The following MIPOL1 variants were observed in gnomAD, a reference collection of about 807,000 sequenced individuals.
MIPOL1 encodes the protein mirror-image polydactyly gene 1 protein.
Under a neutral mutation model 60.9 loss-of-function variants are expected in MIPOL1, and 57 were observed. The ratio of observed to expected loss-of-function variants is 0.94; its 90% confidence interval spans 0.76 to 1.17. The LOEUF (loss-of-function observed/expected upper bound fraction) is 1.17. MIPOL1 is among the 50% of genes most tolerant of loss of function. The probability of loss-of-function intolerance (pLI) is 0.00; values close to 1 mark genes in which losing one functional copy is unlikely to be tolerated. For missense variants in MIPOL1, 551 were observed against 511.6 expected (o/e 1.08, Z -0.74); for synonymous variants, 179 against 168.8 (o/e 1.06, Z -0.47).
chr14:37,520,648 A>G lies in MIPOL1; in HGVS notation c.1262+20510A>G, dbSNP rs140248929. Among the ~76,000 whole-genome samples, 1,061 of 152,206 alleles carry G rather than the reference A, an allele frequency of 7.0e-3. 12 individuals are homozygous for G. Among genetic ancestry groups the G allele is most frequent in the African/African-American group, 0.025 (1,023 of 41,540 alleles). ...GTATATTCTCTAGGTAGTGTTTTAA[A>G]CATATTTTTTTGCATTGGTATAAGA... On this transcript the variant is annotated intron_variant, in intron 12 of 12. Transcript: ENST00000684589.
At chr14:37,492,180 A>G (rs145822395) in intron 11 of MIPOL1, among the ~76,000 whole-genome samples, 3 of 152,340 alleles carry the variant, frequency 2.0e-5, no homozygotes, top group East Asian at 1.9e-4. Context: ...AAATTAATTG[A>G]TGTAGTAAAC....
intron 10 of MIPOL1, chr14:37,399,653 A>G (rs748266090): frequency 6.6e-6 from 1 of 152,176 alleles, no homozygotes; most frequent in Non-Finnish European, 1.5e-5. Flanking sequence ...CATATTTACC[A>G]TGCACTTAAG....
chr14:37,244,872 G>T (rs550063534), intron 1 of MIPOL1, among the ~76,000 whole-genome samples: 1 of 152,024 alleles, frequency 6.6e-6, no homozygotes, highest in Admixed American at 6.6e-5. Flanking sequence ...TAAATATGTT[G>T]CATCTTTACA....
At chr14:37,216,299 TAAAGAG>T (rs1567021464) in intron 1 of MIPOL1, among the ~76,000 whole-genome samples, 2 of 152,012 alleles carry the variant, frequency 1.3e-5, no homozygotes, top group Non-Finnish European at 2.9e-5. Context: ...ATATTAGAGA[TAAAGAG>T]AGAGAGATAG....
rs1443384969 is a variant in MIPOL1, at chr14:37,550,499, T to C, written c.*3528T>C. 6.7e-6 allele frequency: 1 copy of C among 149,756 alleles called. No homozygotes were observed. The highest frequency in any genetic ancestry group is 6.7e-5 in the Admixed American group (1 of 14,976). The allele number at this position is 149,756 out of a possible 1,614,324, so 9.3% of individuals were successfully genotyped here. On this transcript the variant is annotated 3_prime_UTR_variant, in exon 13 of 13. Transcript: ENST00000684589. Reference sequence around the variant, plus strand: ...AACCTATCTATTCATATTTTACATATATATATATATATATACATGCACACA... The same window carrying C: ...AACCTATCTATTCATATTTTACATACATATATATATATATACATGCACACA...
At chr14:37,466,404 C>G (rs1176724084) in intron 11 of MIPOL1, among the ~76,000 whole-genome samples, 1 of 152,088 alleles carries the variant, frequency 6.6e-6, no homozygotes, top group Non-Finnish European at 1.5e-5. Context: ...TATTGCTGAG[C>G]AAATTATTTA....
In MIPOL1 at chr14:37,281,458, A is replaced by G. The variant is rs541524114; in HGVS notation, c.494-3860A>G. 5.9e-5 allele frequency among the ~76,000 whole-genome samples: 9 copies of G among 152,142 alleles called. No homozygotes were observed. The East Asian group carries it at 1.7e-3, about 29-fold the overall frequency. On this transcript the variant is annotated intron_variant, in intron 6 of 12. Coordinates refer to ENST00000684589, the MANE Select transcript of MIPOL1 (RefSeq NM_001388067.1). ...CTTGCTCTGTCGCCCAGGCTGGAAT[A>G]CAGTGGCACGATCTCAGCTTACTGC...
intron 9 of MIPOL1, among the ~76,000 whole-genome samples, chr14:37,346,534 A>G (rs2090958378): frequency 6.6e-6 from 1 of 152,170 alleles, no homozygotes; most frequent in African/African-American, 2.4e-5. Flanking sequence ...TCATGTAAAA[A>G]TTGGCCTGAA....
intron 1 of MIPOL1, among the ~76,000 whole-genome samples, chr14:37,205,285 G>A (rs1277147143): frequency 1.3e-5 from 2 of 151,992 alleles, no homozygotes; most frequent in East Asian, 3.9e-4. Context: ...TGTATTTTTA[G>A]TAGAGACAGG....
chr14:37,371,476 T>C (rs1191814197), intron 10 of MIPOL1, among the ~76,000 whole-genome samples: 1 of 152,094 alleles, frequency 6.6e-6, no homozygotes, highest in Non-Finnish European at 1.5e-5. Context: ...TTCTAGTTGC[T>C]CATTTTTTTT....
At chr14:37,389,029 T>C (rs2093158490) in intron 10 of MIPOL1, among the ~76,000 whole-genome samples, 1 of 152,098 alleles carries the variant, frequency 6.6e-6, no homozygotes, top group Non-Finnish European at 1.5e-5. Context: ...CTTTTAAACT[T>C]GAATTGGACT....
chr14:37,226,576 T>A (rs1405766802), intron 1 of MIPOL1, among the ~76,000 whole-genome samples: 1 of 152,144 alleles, frequency 6.6e-6, no homozygotes, highest in Non-Finnish European at 1.5e-5. Flanking sequence ...TCCCACTGGG[T>A]CCCTCCCACA....
chr14:37,383,974 A>G (rs2153513209), intron 10 of MIPOL1, among the ~76,000 whole-genome samples: 1 of 152,002 alleles, frequency 6.6e-6, no homozygotes, highest in Non-Finnish European at 1.5e-5. Context: ...GCCTAGAAAC[A>G]GATTGTTTGT....
chr14:37,380,980 C>T (rs895263316), intron 10 of MIPOL1, among the ~76,000 whole-genome samples: 1 of 152,080 alleles, frequency 6.6e-6, no homozygotes, highest in African/African-American at 2.4e-5. Context: ...CCAGCATTTT[C>T]TCTGATGGAA....
At chr14:37,210,591 C>T (rs775842297) in intron 1 of MIPOL1, among the ~76,000 whole-genome samples, 48 of 151,924 alleles carry the variant, frequency 3.2e-4, no homozygotes, top group Admixed American at 2.6e-3. Flanking sequence ...GAAGATTAGG[C>T]GGGCAGGGGG....
chr14:37,227,045 G>A (rs1199299262), intron 1 of MIPOL1, among the ~76,000 whole-genome samples: 5 of 152,162 alleles, frequency 3.3e-5, no homozygotes, highest in African/African-American at 1.2e-4. Flanking sequence ...GAACTCATAA[G>A]GCATATGTAT....
chr14:37,395,238 T>A (rs1034387431), intron 10 of MIPOL1, among the ~76,000 whole-genome samples: 4 of 152,274 alleles, frequency 2.6e-5, no homozygotes, highest in Non-Finnish European at 5.9e-5. Flanking sequence ...CGTGCTCTTT[T>A]TTGGTTCCAT....
At chr14:37,332,031 G>A (rs1478449664) in intron 9 of MIPOL1, among the ~76,000 whole-genome samples, 2 of 152,044 alleles carry the variant, frequency 1.3e-5, no homozygotes, top group South Asian at 2.1e-4. Context: ...CCAGCTGCTC[G>A]GGAGGCTGAG....
chr14:37,468,516 G>T (rs1373343077), intron 11 of MIPOL1, among the ~76,000 whole-genome samples: 4 of 152,100 alleles, frequency 2.6e-5, no homozygotes, highest in Non-Finnish European at 4.4e-5. Context: ...CGATAGACTA[G>T]TCCTAAATAT....
Sources: gnomAD v4.1 joint callset for allele counts (sites outside exome capture counted in the v4.1 genomes callset) on GRCh38, gnomAD v4.1.1 for gene constraint, MANE v1.5 for transcripts, NCBI Gene and HGNC (gene_info 2026-07-23, HGNC 2026-07-21) for gene names.